KIF6: variants seen among roughly 807,000 people sequenced by gnomAD.
KIF6 encodes kinesin family member 6.
Under a neutral mutation model 112.7 loss-of-function variants are expected in KIF6, and 106 were observed. The ratio of observed to expected loss-of-function variants is 0.94; its 90% CI spans 0.80 to 1.11. The LOEUF is 1.11. KIF6 is among the 50% of genes least tolerant of loss of function. KIF6 has a pLI of 0.00. For synonymous variants in KIF6, 339 were observed against 339.9 expected (o/e 1.00, Z 0.03); for missense variants, 929 against 964.0 (o/e 0.96, Z 0.48).
chr6:39,518,865 G>A (rs1777216410), intron 13 of KIF6, among the ~76,000 whole-genome samples: 2 of 152,176 alleles, frequency 1.3e-5, no homozygotes, highest in Admixed American at 1.3e-4. Context: ...AAAGAGATCT[G>A]TAAACACATC....
At chr6:39,368,886 C>T (rs1218491222) in intron 16 of KIF6, among the ~76,000 whole-genome samples, 3 of 152,202 alleles carry the variant, frequency 2.0e-5, no homozygotes, top group East Asian at 1.9e-4. Flanking sequence ...CAGTGCCCTG[C>T]GTGGGAAGGG....
intron 16 of KIF6, among the ~76,000 whole-genome samples, chr6:39,374,068 AC>A (rs935690610): frequency 6.6e-6 from 1 of 152,186 alleles, no homozygotes; most frequent in African/African-American, 2.4e-5. Context: ...CCAGAAATAA[AC>A]CTACATATTT....
chr6:39,550,375 A>G (rs752035379), intron 10 of KIF6, among the ~76,000 whole-genome samples: 2 of 152,044 alleles, frequency 1.3e-5, no homozygotes, highest in Non-Finnish European at 2.9e-5. Flanking sequence ...AATAACTGGG[A>G]CAGCAATGGG....
chr6:39,404,342 G>A (rs1469030197), intron 15 of KIF6, among the ~76,000 whole-genome samples: 1 of 152,064 alleles, frequency 6.6e-6, no homozygotes, highest in Admixed American at 6.5e-5. Context: ...CTCAATTTTT[G>A]TATATGGTGT....
intron 13 of KIF6, among the ~76,000 whole-genome samples, chr6:39,465,819 A>G (rs557005019): frequency 6.6e-6 from 1 of 152,298 alleles, no homozygotes; most frequent in East Asian, 1.9e-4. Flanking sequence ...CAGACATACC[A>G]TGATTTTGCA....
At position 39,586,258 on chromosome 6, in the gene KIF6, T is replaced by C; in HGVS notation, c.990+3A>G. 1 of 1,614,126 alleles carries C rather than the reference T, an allele frequency of 6.2e-7. No individual in the cohort carries two copies. Among genetic ancestry groups the C allele is most frequent in the Non-Finnish European group, 8.5e-7 (1 of 1,179,978 alleles). On this transcript the variant is annotated splice_donor_region_variant and intron_variant, in intron 8 of 22. Coordinates refer to ENST00000287152, the MANE Select transcript of KIF6 (RefSeq NM_145027.6). ...AGATCTCCAGAAAGAAGAGCCCACA[T>C]ACATCAAGATTCCTTTTCTCCAAGG...
intron 16 of KIF6, among the ~76,000 whole-genome samples, chr6:39,364,363 C>T (rs1765398514): frequency 6.6e-6 from 1 of 152,126 alleles, no homozygotes; most frequent in South Asian, 2.1e-4. Flanking sequence ...TCATGATCCA[C>T]CCACCTCGGC....
chr6:39,596,388 C>T, intron 6 of KIF6, 128 bp from the exon 7 acceptor site: 2 of 659,086 alleles, frequency 3.0e-6, no homozygotes, highest in Non-Finnish European at 5.3e-6. Context: ...TGGAGCAAAA[C>T]CACTTGTAAC....
intron 13 of KIF6, among the ~76,000 whole-genome samples, chr6:39,536,913 A>G: frequency 6.6e-6 from 1 of 152,170 alleles, no homozygotes; most frequent in Non-Finnish European, 1.5e-5. Context: ...GGTTCAATAT[A>G]TGCAAATCAA....
intron 3 of KIF6, among the ~76,000 whole-genome samples, chr6:39,700,480 T>C (rs1207250431): frequency 6.6e-6 from 1 of 152,218 alleles, no homozygotes; most frequent in African/African-American, 2.4e-5. Flanking sequence ...TGAATTTTGT[T>C]TTAAATGTAA....
chr6:39,608,360 C>T (rs1783009264), intron 6 of KIF6, among the ~76,000 whole-genome samples: 1 of 152,212 alleles, frequency 6.6e-6, no homozygotes, highest in African/African-American at 2.4e-5. Flanking sequence ...GTGCGCAGAA[C>T]ACTTATATTA....
intron 15 of KIF6, among the ~76,000 whole-genome samples, chr6:39,390,508 G>A (rs1399626176): frequency 2.6e-5 from 4 of 152,180 alleles, no homozygotes; most frequent in Non-Finnish European, 4.4e-5. Flanking sequence ...TAATGCAGAG[G>A]CCAAGTATAT....
intron 20 of KIF6, among the ~76,000 whole-genome samples, chr6:39,346,107 CTCCCT>C (rs1763750223): frequency 2.0e-5 from 1 of 49,798 alleles, no homozygotes; most frequent in African/African-American, 1.1e-4. Flanking sequence ...CCCTCCCCCC[CTCCCT>C]CTCCCTCTCC....
At chr6:39,680,222 G>C (rs1444236172) in intron 3 of KIF6, among the ~76,000 whole-genome samples, 2 of 150,184 alleles carry the variant, frequency 1.3e-5, no homozygotes, top group South Asian at 2.1e-4. Context: ...TGGCCAGGCT[G>C]GTTTTGAACT....
At chr6:39,388,111 C>T (rs1490072868) in intron 15 of KIF6, among the ~76,000 whole-genome samples, 1 of 152,140 alleles carries the variant, frequency 6.6e-6, no homozygotes, top group Non-Finnish European at 1.5e-5. Context: ...TGCTAATAAG[C>T]CTTCCCAGTA....
intron 6 of KIF6, among the ~76,000 whole-genome samples, chr6:39,604,148 C>G (rs1782740775): frequency 6.6e-6 from 1 of 152,126 alleles, no homozygotes; most frequent in African/African-American, 2.4e-5. Flanking sequence ...TGCTCACTTG[C>G]TCTATCTGAG....
chr6:39,549,471 G>A (rs185482542), intron 10 of KIF6, among the ~76,000 whole-genome samples: 34 of 152,234 alleles, frequency 2.2e-4, no homozygotes, highest in Admixed American at 1.3e-3. Flanking sequence ...GAGATATTAC[G>A]TATCTTGTCC....
intron 13 of KIF6, among the ~76,000 whole-genome samples, chr6:39,497,965 C>T (rs1484151102): frequency 6.6e-6 from 1 of 152,172 alleles, no homozygotes; most frequent in Admixed American, 6.5e-5. Flanking sequence ...AACTAGGAAT[C>T]TAGGATGTCT....
At chr6:39,722,885 A>G (rs959540196) in intron 1 of KIF6, among the ~76,000 whole-genome samples, 16 of 152,308 alleles carry the variant, frequency 1.1e-4, no homozygotes, top group African/African-American at 3.8e-4. Context: ...CTACAGACTC[A>G]CCAAAGACAT....
Sources: allele counts gnomAD v4.1 joint callset (sites outside exome capture counted in the v4.1 genomes callset), GRCh38; gene constraint gnomAD v4.1.1; transcripts MANE v1.5; gene names NCBI Gene and HGNC (gene_info 2026-07-23, HGNC 2026-07-21).